Variants in TBL2 observed in about 807,000 individuals in gnomAD.
TBL2 encodes transducin beta-like protein 2.
Under a neutral mutation model 41.8 loss-of-function variants are expected in TBL2, and 33 were observed. The ratio of observed to expected loss-of-function variants is 0.79; its 90% confidence interval spans 0.60 to 1.06. TBL2 has a LOEUF of 1.06. TBL2 is among the 50% of genes least tolerant of loss of function. The pLI is 0.00. For synonymous variants in TBL2, 239 were observed against 241.7 expected, an observed-to-expected ratio of 0.99 and a Z score of 0.10; for missense variants, 522 against 603.8, an observed-to-expected ratio of 0.86 and a Z score of 1.42.
In TBL2 at chr7:73,570,756, C is replaced by T. The variant is rs782790020; in HGVS notation, c.1095G>A (p.Glu365=). ...HLYNTRRGEK[E]ECFERVHGEC... ...CGCCATGGACCCGCTCAAAGCACTC[C>T]TCCTTCTCGCCCCGCCGGGTATTGT... The change falls in exon 7 of 7, where the codon GAG becomes GAA. Residue 365 remains glutamate, a synonymous_variant. Transcript: ENST00000305632. 35 of 1,614,106 alleles carry T rather than the reference C, an allele frequency of 2.2e-5. No individual in the cohort carries two copies. Among genetic ancestry groups the T allele is most frequent in the Non-Finnish European group, 2.8e-5 (33 of 1,180,058 alleles).
In TBL2 at chr7:73,578,417, T is replaced by G; in HGVS notation, c.130+3A>C. 1 of 1,525,526 alleles carries G rather than the reference T, an allele frequency of 6.6e-7. No homozygotes were observed. Among genetic ancestry groups the G allele is most frequent in the Non-Finnish European group, 8.8e-7 (1 of 1,137,704 alleles). The allele number at this position is 1,525,526 out of a possible 1,614,324, so 94.5% of individuals were successfully genotyped here. On this transcript the variant is annotated splice_donor_region_variant and intron_variant, in intron 1 of 6. Coordinates refer to ENST00000305632, the MANE Select transcript of TBL2 (RefSeq NM_012453.4). Reference sequence around the variant, plus strand: ...CGCCCCCACCCGACCCGGCCCCACTTACAGGCGGGCCGGCCGCTCCTCTCC... The same window carrying G: ...CGCCCCCACCCGACCCGGCCCCACTGACAGGCGGGCCGGCCGCTCCTCTCC...
At chr7:73,576,633 C>T in intron 1 of TBL2, 1 of 456,526 alleles carries the variant, frequency 2.2e-6, no homozygotes, top group Non-Finnish European at 4.4e-6. Context: ...TTAATTGAGT[C>T]ACAAAGCTGG....
chr7:73,578,565 G>A lies in TBL2; in HGVS notation c.-16C>T, dbSNP rs782395396. On this transcript the variant is annotated 5_prime_UTR_variant, in exon 1 of 7. Transcript: ENST00000305632. Reference sequence around the variant, plus strand: ...AGAGCTCCATGTTGGTGGAACCACTGCCACCTCAGCTAGTGAGTACGCGGG... The same window carrying A: ...AGAGCTCCATGTTGGTGGAACCACTACCACCTCAGCTAGTGAGTACGCGGG... 7 of 1,502,214 alleles carry A rather than the reference G, an allele frequency of 4.7e-6. No individual in the cohort carries two copies. Among genetic ancestry groups the A allele is most frequent in the Middle Eastern group, 2.0e-4 (1 of 5,076 alleles). The allele number at this position is 1,502,214 out of a possible 1,614,324, so 93.1% of individuals were successfully genotyped here. A position where few individuals can be genotyped will look rare whatever the true frequency, so the allele number is the denominator to read the frequency against.
Position 73,571,216 on chromosome 7 carries a change from G to A in TBL2, c.851C>T (p.Ser284Leu), listed in dbSNP as rs368795637. Reference protein sequence around the residue: ...ELKGHSAAVHSFAFSNDSRRM... With the variant: ...ELKGHSAAVHLFAFSNDSRRM... The stretch of plus-strand genomic sequence containing the variant: ...CCGTGAGTCGTTGGAGAAAGCAAAC[G>A]AGTGCACAGCCGCGGAGTGGCCCTT... The change falls in exon 6 of 7, where the codon TCG becomes TTG. Residue 284 changes from serine (S) to leucine (L), a missense_variant. By Grantham distance (145) the Ser-to-Leu change is moderately radical. Transcript: ENST00000305632. 49 of 1,614,222 alleles carry A rather than the reference G, an allele frequency of 3.0e-5. No homozygotes were observed. Among genetic ancestry groups the A allele is most frequent in the Non-Finnish European group, 3.8e-5 (45 of 1,180,042 alleles).
At position 73,568,455 on chromosome 7, in the gene TBL2, G is replaced by A. The variant is rs935081517; in HGVS notation, c.*2052C>T. Reference sequence around the variant, plus strand: ...ATAAGTAGCAGCCACCCCCCATCCTGCAGGCAGGACACAAGCCCGCCCTCC... The same window carrying A: ...ATAAGTAGCAGCCACCCCCCATCCTACAGGCAGGACACAAGCCCGCCCTCC... On this transcript the variant is annotated 3_prime_UTR_variant, in exon 7 of 7. Coordinates refer to ENST00000305632, the MANE Select transcript of TBL2 (RefSeq NM_012453.4). 3.3e-5 allele frequency among the ~76,000 whole-genome samples: 5 copies of A among 152,124 alleles called. No homozygotes were observed. The highest frequency in any genetic ancestry group is 1.2e-4 in the African/African-American group (5 of 41,418).
chr7:73,573,266 A>T, intron 4 of TBL2, 54 bp downstream of exon 4: 1 of 1,602,480 alleles, frequency 6.2e-7, no homozygotes, highest in East Asian at 2.2e-5. Context: ...AGGAAATAGA[A>T]CTGGATCTTT....
Position 73,570,688 on chromosome 7 carries a change from A to C in TBL2, c.1163T>G (p.Leu388Arg). ...CACCGCCCGGTCCCCACAGGAGGCC[A>C]GAAAGCGGCCAGTGATGTCAAAGGA... ...NLSFDITGRF[L>R]ASCGDRAVRL... The change falls in exon 7 of 7, where the codon CTG becomes CGG. Residue 388 changes from leucine (L) to arginine (R), a missense_variant. Coordinates refer to ENST00000305632, the MANE Select transcript of TBL2 (RefSeq NM_012453.4). 6.2e-7 allele frequency: 1 copy of C among 1,614,114 alleles called. No individual in the cohort carries two copies. The highest frequency in any genetic ancestry group is 8.5e-7 in the Non-Finnish European group (1 of 1,179,990).
intron 1 of TBL2, chr7:73,574,828 A>C (rs1447834999): frequency 2.3e-6 from 1 of 439,100 alleles, no homozygotes; most frequent in Admixed American, 3.1e-5. Context: ...AAACAAACAG[A>C]AAACAGAAAC....
chr7:73,574,417 T>A lies in TBL2; in HGVS notation c.227A>T (p.Asn76Ile). ...TGCAGCCAGGAGGCGGTGGGTGAAG[T>A]TGTGTTGTTGAGGCTTCTCCTTCCG... ...RIRKEKPQQH[N>I]FTHRLLAAAL... Residue 76 changes from asparagine to isoleucine, a missense_variant, in exon 2 of 7, where the codon AAC becomes ATC. By Grantham distance (149) the Asn-to-Ile change is moderately radical. Coordinates refer to ENST00000305632, the MANE Select transcript of TBL2 (RefSeq NM_012453.4). 1 of 1,613,834 alleles carries A rather than the reference T, an allele frequency of 6.2e-7. No individual in the cohort carries two copies. Among genetic ancestry groups the A allele is most frequent in the Non-Finnish European group, 8.5e-7 (1 of 1,179,996 alleles).
Position 73,570,769 on chromosome 7 carries a change from C to T in TBL2, c.1082G>A (p.Arg361Gln), listed in dbSNP as rs200072505. ...CTCAAAGCACTCCTCCTTCTCGCCC[C>T]GCCGGGTATTGTAGAGATGAATACT... ...GSSIHLYNTR[R>Q]GEKEECFERV... Residue 361 changes from arginine (R) to glutamine (Q), a missense_variant, in exon 7 of 7, where the codon CGG (arginine) becomes CAG (glutamine). Transcript: ENST00000305632. 2.1e-5 allele frequency: 34 copies of T among 1,614,072 alleles called. No individual in the cohort carries two copies. The highest frequency in any genetic ancestry group is 5.5e-5 in the South Asian group (5 of 91,092).
At chr7:73,574,599 C>T (rs782796910) in intron 1 of TBL2, 86 bp from the exon 2 acceptor site, 8 of 1,584,882 alleles carry the variant, frequency 5.0e-6, no homozygotes, top group African/African-American at 1.3e-5. Context: ...TTGAGTGGAA[C>T]AGCAGGAGAT....
Position 73,572,948 on chromosome 7 carries a change from G to A in TBL2, c.621C>T (p.Ser207=). ...TCCAGATGAGGACAGTGGTGTCACT[G>A]GAGGCAGTCATGATAAACTTCCCTG... ...ANTGKFIMTA[S]SDTTVLIWSL... Residue 207 remains serine (S), a synonymous_variant, in exon 5 of 7, where the codon TCC becomes TCT. Coordinates refer to ENST00000305632, the MANE Select transcript of TBL2 (RefSeq NM_012453.4). 6.2e-7 allele frequency: 1 copy of A among 1,614,168 alleles called. No individual in the cohort carries two copies. The highest frequency in any genetic ancestry group is 1.7e-5 in the Admixed American group (1 of 60,002).
At position 73,572,866 on chromosome 7, in the gene TBL2, C is replaced by T. The variant is rs782052038; in HGVS notation, c.703G>A (p.Ala235Thr). ...INTNQMNNTH[A>T]AVSPCGRFVA... ...CACCTGCCACAGGGAGATACAGCAG[C>T]GTGTGTGTTGTTCATCTGGTTGGTG... is the stretch of plus-strand genomic sequence containing the variant. The change falls in exon 5 of 7, where the codon GCT becomes ACT. Residue 235 changes from alanine (A) to threonine (T), a missense_variant. Physicochemically the swap from Ala to Thr is moderately conservative, Grantham distance 58. Coordinates refer to ENST00000305632, the MANE Select transcript of TBL2 (RefSeq NM_012453.4). The T allele has an allele frequency of 1.7e-5, 28 of 1,614,108 alleles. No homozygotes were observed. The South Asian group carries it at 2.1e-4, about 12-fold the overall frequency.
chr7:73,572,297 A>G (rs1415991588), intron 5 of TBL2, among the ~76,000 whole-genome samples: 1 of 151,990 alleles, frequency 6.6e-6, no homozygotes, highest in East Asian at 1.9e-4. Flanking sequence ...AAAAATACAA[A>G]AATTAGCCAG....
chr7:73,575,780 A>C (rs1793273979), intron 1 of TBL2, among the ~76,000 whole-genome samples: 1 of 152,170 alleles, frequency 6.6e-6, no homozygotes, highest in Non-Finnish European at 1.5e-5. Context: ...GCGGTGGCTC[A>C]TGCCTGTGAT....
chr7:73,569,012 TAGGGAA>T lies in TBL2; in HGVS notation c.*1489_*1494del, dbSNP rs1792764002. 2.0e-5 allele frequency: 3 copies of T among 152,214 alleles called. No individual in the cohort carries two copies. The highest frequency in any genetic ancestry group is 7.2e-5 in the African/African-American group (3 of 41,448). 9.4% of individuals were successfully genotyped at this position (152,214 alleles called of 1,614,324 possible). Reference sequence around the variant, plus strand: ...ATGGGAAGCCTTGGGGGGTTTTAACTAGGGAATAATGTGATCTGGTTCACATTTTCA... The same window carrying T: ...ATGGGAAGCCTTGGGGGGTTTTAACTTAATGTGATCTGGTTCACATTTTCA... On this transcript the variant is annotated 3_prime_UTR_variant, in exon 7 of 7. Transcript: ENST00000305632.
At chr7:73,574,753 A>G in intron 1 of TBL2, 1 of 595,974 alleles carries the variant, frequency 1.7e-6, no homozygotes, top group Admixed American at 2.5e-5. Context: ...AGGCTGCAGT[A>G]AGCTATGATC....
intron 1 of TBL2, chr7:73,574,950 A>G (rs1196205709): frequency 3.2e-6 from 1 of 312,504 alleles, no homozygotes; most frequent in Non-Finnish European, 6.3e-6. Context: ...GTAGAGTGGA[A>G]AAGGCGCACT....
In TBL2 at chr7:73,568,372, T is replaced by TTTTA. The variant is rs1208709411; in HGVS notation, c.*2134_*2135insTAAA. On this transcript the variant is annotated 3_prime_UTR_variant, in exon 7 of 7. Coordinates refer to ENST00000305632, the MANE Select transcript of TBL2 (RefSeq NM_012453.4). ...TGTTTTGTTTGGTCCAGATAGTGTT[T>TTTTA]AGTTATTTAAGTTGCTCACTTCTAG... Among the ~76,000 whole-genome samples, 7 of 152,106 alleles carry TTTTA rather than the reference T, an allele frequency of 4.6e-5. No homozygotes were observed. The highest frequency in any genetic ancestry group is 7.4e-5 in the Non-Finnish European group (5 of 67,996).
Sources: gnomAD v4.1 joint callset for allele counts (sites outside exome capture counted in the v4.1 genomes callset) on GRCh38, gnomAD v4.1.1 for gene constraint, MANE v1.5 for transcripts, NCBI Gene and HGNC (gene_info 2026-07-23, HGNC 2026-07-21) for gene names.